Variants in BNC2 observed in about 807,000 individuals in gnomAD.
The protein encoded by BNC2 is zinc finger protein basonuclin-2.
BNC2 carries 20 observed loss-of-function variants against 76.3 expected under a neutral mutation model. The ratio of observed to expected loss-of-function variants is 0.26; its 90% CI spans 0.18 to 0.38. The LOEUF is 0.38. Ranked by LOEUF, BNC2 falls within the 10% of genes least tolerant of loss-of-function variation. The pLI is 1.00. For missense variants in BNC2, 1,382 were observed against 1,399.8 expected (o/e 0.99, Z 0.20); for synonymous variants, 582 against 514.8 (o/e 1.13, Z -1.77).
chr9:16,463,092 G>A (rs1444831277), intron 5 of BNC2, among the ~76,000 whole-genome samples: 2 of 152,038 alleles, frequency 1.3e-5, no homozygotes, highest in East Asian at 3.9e-4. Flanking sequence ...TCTGAAAGGT[G>A]TGCAGGGAGA....
chr9:16,697,990 C>T (rs990859314), intron 3 of BNC2, among the ~76,000 whole-genome samples: 2 of 152,144 alleles, frequency 1.3e-5, no homozygotes, highest in Non-Finnish European at 2.9e-5. Context: ...TTAGTTTCTA[C>T]TTAGTTTCAA....
intron 3 of BNC2, among the ~76,000 whole-genome samples, chr9:16,705,505 C>T (rs952868274): frequency 6.6e-6 from 1 of 152,178 alleles, no homozygotes; most frequent in Admixed American, 6.5e-5. Context: ...TTCTGCAGAG[C>T]CACACACTGC....
intron 4 of BNC2, among the ~76,000 whole-genome samples, chr9:16,578,916 G>A (rs1219125438): frequency 6.6e-6 from 1 of 152,116 alleles, no homozygotes; most frequent in Non-Finnish European, 1.5e-5. Flanking sequence ...AGACTTGACA[G>A]AATTAGAAAT....
At chr9:16,844,613 C>T (rs1175921637) in intron 1 of BNC2, among the ~76,000 whole-genome samples, 1 of 150,674 alleles carries the variant, frequency 6.6e-6, no homozygotes, top group African/African-American at 2.4e-5. Context: ...TTCTTCCTGC[C>T]TCAGCCTCCC....
At chr9:16,620,147 C>A (rs924215144) in intron 3 of BNC2, among the ~76,000 whole-genome samples, 1 of 152,108 alleles carries the variant, frequency 6.6e-6, no homozygotes, top group South Asian at 2.1e-4. Flanking sequence ...TGAAGCTTGA[C>A]GCCATTGATA....
At chr9:16,853,605 G>A (rs968788664) in intron 1 of BNC2, among the ~76,000 whole-genome samples, 11 of 151,980 alleles carry the variant, frequency 7.2e-5, no homozygotes, top group Admixed American at 3.3e-4. Flanking sequence ...TGTGGCTCGC[G>A]CCTGCAATCC....
At chr9:16,663,128 C>CTTTTT (rs1220327938) in intron 3 of BNC2, among the ~76,000 whole-genome samples, 1 of 51,646 alleles carries the variant, frequency 1.9e-5, no homozygotes, top group African/African-American at 6.9e-5. Context: ...ACTCTGTTTA[C>CTTTTT]TCTTTTTTTT....
chr9:16,821,119 G>C (rs1818318961), intron 1 of BNC2, among the ~76,000 whole-genome samples: 1 of 151,846 alleles, frequency 6.6e-6, no homozygotes, highest in Non-Finnish European at 1.5e-5. Context: ...TGTAATCCCA[G>C]CTACTCGGGA....
chr9:16,451,619 T>C (rs1821341674), intron 5 of BNC2, among the ~76,000 whole-genome samples: 1 of 152,162 alleles, frequency 6.6e-6, no homozygotes, highest in Non-Finnish European at 1.5e-5. Flanking sequence ...CTCACCTACC[T>C]CTGCACCCCT....
At position 16,506,795 on chromosome 9, in the gene BNC2, A is replaced by AGGCT. The variant is rs1822639051; in HGVS notation, c.669+45731_669+45734dup. On this transcript the variant is annotated intron_variant, in intron 5 of 6. Transcript: ENST00000380672. ...GTTTGGAGTTTTGCTCTTGTCACCC[A>AGGCT]GGCTGGAGTGCAGTGGTGCAATCTG... Among the ~76,000 whole-genome samples, 3 of 151,064 alleles carry AGGCT rather than the reference A, an allele frequency of 2.0e-5. No individual in the cohort carries two copies. The South Asian group carries it at 6.3e-4, about 32-fold the overall frequency.
At chr9:16,506,749 G>T (rs565563565) in intron 5 of BNC2, among the ~76,000 whole-genome samples, 111 of 149,220 alleles carry the variant, frequency 7.4e-4, no homozygotes, top group Admixed American at 2.5e-3. Flanking sequence ...TGTTTGTTTG[G>T]TTTTTTTTGT....
chr9:16,464,271 A>G (rs1020240009), intron 5 of BNC2, among the ~76,000 whole-genome samples: 2 of 152,168 alleles, frequency 1.3e-5, no homozygotes, highest in Non-Finnish European at 2.9e-5. Flanking sequence ...TCTGCACAGG[A>G]CTGGCATGGC....
intron 1 of BNC2, among the ~76,000 whole-genome samples, chr9:16,835,210 G>A (rs948486741): frequency 5.9e-5 from 9 of 152,168 alleles, no homozygotes. Context: ...TTTTCTGCAT[G>A]TCAAAATAGT....
At chr9:16,858,747 G>A (rs953859573) in intron 1 of BNC2, among the ~76,000 whole-genome samples, 1 of 151,988 alleles carries the variant, frequency 6.6e-6, no homozygotes, top group African/African-American at 2.4e-5. Context: ...TCGGGAGGCT[G>A]AGGCAGGAGA....
At chr9:16,868,379 GCTT>G (rs1359174189) in intron 1 of BNC2, among the ~76,000 whole-genome samples, 2 of 150,536 alleles carry the variant, frequency 1.3e-5, no homozygotes, top group Admixed American at 1.3e-4. Context: ...GCTTTTGTCT[GCTT>G]CTTTTTGTAA....
rs146213016 is a variant in BNC2, at chr9:16,730,654, T to C, written c.130-2657A>G. Among the ~76,000 whole-genome samples, 149 of 152,252 alleles carry C rather than the reference T, an allele frequency of 9.8e-4. 1 individual carries two copies. Among genetic ancestry groups the C allele is most frequent in the African/African-American group, 3.4e-3 (140 of 41,540 alleles). ...AGTCTTCTGACAAAATGCTACCCAG[T>C]ATAGGCAAACTGAGCTCCTTCAGAT... is the stretch of plus-strand genomic sequence containing the variant. On this transcript the variant is annotated intron_variant, in intron 2 of 6. Coordinates refer to ENST00000380672, the MANE Select transcript of BNC2 (RefSeq NM_017637.6).
Position 16,416,732 on chromosome 9 carries a change from G to T in BNC2, c.*2257C>A, listed in dbSNP as rs1197789896. 6.6e-6 allele frequency: 1 copy of T among 152,592 alleles called. No homozygotes were observed. Among genetic ancestry groups the T allele is most frequent in the African/African-American group, 2.4e-5 (1 of 41,436 alleles). The allele number at this position is 152,592 out of a possible 1,614,324, so 9.5% of individuals were successfully genotyped here. A position where few individuals can be genotyped will look rare whatever the true frequency, so the allele number is the denominator to read the frequency against. On this transcript the variant is annotated 3_prime_UTR_variant, in exon 7 of 7. Coordinates refer to ENST00000380672, the MANE Select transcript of BNC2 (RefSeq NM_017637.6). ...TAGCATCCTCTGAAGGAGGTGAAAA[G>T]ATAAAGCTCCTAGACATAGCTAGCT...
intron 5 of BNC2, among the ~76,000 whole-genome samples, chr9:16,519,703 C>T (rs1480201891): frequency 1.3e-5 from 2 of 152,186 alleles, no homozygotes; most frequent in Non-Finnish European, 2.9e-5. Flanking sequence ...CCATTTTCTC[C>T]AGTTTTTTCT....
At chr9:16,805,500 G>A (rs549126843) in intron 1 of BNC2, among the ~76,000 whole-genome samples, 2 of 151,950 alleles carry the variant, frequency 1.3e-5, no homozygotes, top group South Asian at 4.2e-4. Context: ...GCTAATTTTT[G>A]TATTTTTAGT....
Sources: gnomAD v4.1 joint callset for allele counts (sites outside exome capture counted in the v4.1 genomes callset) on GRCh38, gnomAD v4.1.1 for gene constraint, MANE v1.5 for transcripts, NCBI Gene and HGNC (gene_info 2026-07-23, HGNC 2026-07-21) for gene names.